Variants in GSE1 observed in about 807,000 individuals in gnomAD.
The protein encoded by GSE1 is Gse1 coiled-coil protein, also known as genetic suppressor element 1.
In GSE1, 32 loss-of-function variants were observed where a neutral mutation model predicts 112.6. That is an observed-to-expected ratio of 0.28 (90% confidence interval 0.21 to 0.38). GSE1 has a LOEUF of 0.38. Among genes scored for constraint, GSE1 ranks in the 10% least tolerant of loss-of-function variants. The pLI, the probability that GSE1 is intolerant of heterozygous loss-of-function variation, is 1.00. For synonymous variants in GSE1, 1,115 were observed against 735.6 expected (o/e 1.52, Z -8.35); for missense variants, 2,348 against 1,699.2 (o/e 1.38, Z -6.71).
At chr16:85,235,940 C>T (rs951772776) in intron 1 of GSE1, among the ~76,000 whole-genome samples, 1 of 151,936 alleles carries the variant, frequency 6.6e-6, no homozygotes, top group South Asian at 2.1e-4. Flanking sequence ...ATCTGGGGAG[C>T]GAGGCTGCAG....
At chr16:85,483,512 T>C (rs1019213877) in intron 2 of GSE1, among the ~76,000 whole-genome samples, 1 of 152,248 alleles carries the variant, frequency 6.6e-6, no homozygotes, top group African/African-American at 2.4e-5. Flanking sequence ...ACACAGCAAG[T>C]GCTCCATGAA....
In GSE1 at chr16:85,656,014, G is replaced by A. The variant is rs564614041; in HGVS notation, c.989+97G>A. On this transcript the variant is annotated intron_variant, in intron 6 of 15. Transcript: ENST00000253458. Reference sequence around the variant, plus strand: ...GGCTGGAACCTGACTGGACTCCTTGGCCATGCCTGTCCTCACAGTTTGTCC... The same window carrying A: ...GGCTGGAACCTGACTGGACTCCTTGACCATGCCTGTCCTCACAGTTTGTCC... 6.0e-3 allele frequency: 5,693 copies of A among 952,614 alleles called. 21 individuals are homozygous for A. The highest frequency in any genetic ancestry group is 7.7e-3 in the Non-Finnish European group (4,941 of 641,160). 59.0% of individuals were successfully genotyped at this position (952,614 alleles called of 1,614,324 possible).
intron 2 of GSE1, among the ~76,000 whole-genome samples, chr16:85,459,931 G>A (rs149351635): frequency 0.016 from 2,445 of 152,334 alleles, 33 homozygotes; most frequent in Middle Eastern, 0.034. Flanking sequence ...TTGGATCTCA[G>A]TCCAGGCTCC....
chr16:85,539,170 C>CT (rs2044434531), intron 2 of GSE1, among the ~76,000 whole-genome samples: 1 of 152,258 alleles, frequency 6.6e-6, no homozygotes, highest in Non-Finnish European at 1.5e-5. Context: ...TGTCTTTCCT[C>CT]GTTATTCCCA....
chr16:85,201,698 G>A (rs1293617180), intron 1 of GSE1, among the ~76,000 whole-genome samples: 1 of 151,566 alleles, frequency 6.6e-6, no homozygotes, highest in Non-Finnish European at 1.5e-5. Flanking sequence ...TGGCTGGGCC[G>A]CTGACCACTG....
chr16:85,659,062 T>C (rs2052211275), intron 8 of GSE1, among the ~76,000 whole-genome samples: 1 of 152,216 alleles, frequency 6.6e-6, no homozygotes, highest in Non-Finnish European at 1.5e-5. Flanking sequence ...GCATGAAATA[T>C]TTATTCTCCT....
At chr16:85,454,824 G>A (rs943852801) in intron 2 of GSE1, among the ~76,000 whole-genome samples, 4 of 152,084 alleles carry the variant, frequency 2.6e-5, no homozygotes, top group Non-Finnish European at 5.9e-5. Flanking sequence ...TCTTAGAACG[G>A]CACTCCTCCC....
intron 1 of GSE1, among the ~76,000 whole-genome samples, chr16:85,319,370 C>T (rs531014253): frequency 1.1e-4 from 16 of 152,268 alleles, no homozygotes; most frequent in Admixed American, 4.6e-4. Flanking sequence ...TGCAGTGAGC[C>T]GGGCAGCTCT....
chr16:85,524,707 C>A (rs2052306132), intron 2 of GSE1, among the ~76,000 whole-genome samples: 1 of 152,166 alleles, frequency 6.6e-6, no homozygotes, highest in Non-Finnish European at 1.5e-5. Context: ...GGCCTGTAAT[C>A]ACGAGGGGGA....
chr16:85,435,206 G>T (rs1240749330), intron 2 of GSE1, among the ~76,000 whole-genome samples: 1 of 152,228 alleles, frequency 6.6e-6, no homozygotes, highest in Admixed American at 6.5e-5. Context: ...CCTCGGCCCT[G>T]CACACGCCAG....
chr16:85,395,065 G>A (rs533585134), intron 2 of GSE1, among the ~76,000 whole-genome samples: 1 of 152,138 alleles, frequency 6.6e-6, no homozygotes, highest in Non-Finnish European at 1.5e-5. Context: ...AATGGGGCGG[G>A]CAGAGACTGG....
At chr16:85,648,857 C>T (rs1334076725) in intron 3 of GSE1, 106 bp downstream of exon 3, 1 of 601,814 alleles carries the variant, frequency 1.7e-6, no homozygotes, top group Non-Finnish European at 2.8e-6. Flanking sequence ...ACATTCCAGA[C>T]ACCCCCTCCC....
rs542936733 is a variant in GSE1 at position 85,382,870 on chromosome 16, CAT to C, written c.2464+25228_2464+25229del. Reference sequence around the variant, plus strand: ...TGCATACATGTGCACACACAGCACACATGCACACACACCGTGCACACACACGC... The same window carrying C: ...TGCATACATGTGCACACACAGCACACGCACACACACCGTGCACACACACGC... On this transcript the variant is annotated intron_variant, in intron 2 of 2. Coordinates refer to the GSE1 transcript ENST00000637419. Among the ~76,000 whole-genome samples, 329 of 151,980 alleles carry C rather than the reference CAT, an allele frequency of 2.2e-3. 2 individuals carry two copies. Among genetic ancestry groups the C allele is most frequent in the Admixed American group, 4.1e-3 (62 of 15,286 alleles).
intron 1 of GSE1, among the ~76,000 whole-genome samples, chr16:85,189,095 T>A (rs932318713): frequency 6.6e-6 from 1 of 152,216 alleles, no homozygotes; most frequent in Non-Finnish European, 1.5e-5. Flanking sequence ...CCAAGCTTGT[T>A]CCCACCATTA....
intron 1 of GSE1, among the ~76,000 whole-genome samples, chr16:85,309,886 C>T (rs895869861): frequency 3.3e-5 from 5 of 152,018 alleles, no homozygotes; most frequent in African/African-American, 4.8e-5. Context: ...AAGTGGCGGG[C>T]GCCCCCTTGC....
chr16:85,390,989 C>T (rs569116747), intron 2 of GSE1, among the ~76,000 whole-genome samples: 4 of 152,346 alleles, frequency 2.6e-5, no homozygotes, highest in East Asian at 3.9e-4. Flanking sequence ...AGTGCCTTCA[C>T]GGCTCCGCCG....
intron 1 of GSE1, among the ~76,000 whole-genome samples, chr16:85,246,824 G>A (rs1405626000): frequency 6.6e-6 from 1 of 152,126 alleles, no homozygotes; most frequent in Non-Finnish European, 1.5e-5. Flanking sequence ...AGCACCAGAG[G>A]AAGGGGGTGC....
chr16:85,462,643 G>C (rs1438426656), intron 2 of GSE1, among the ~76,000 whole-genome samples: 1 of 146,064 alleles, frequency 6.8e-6, no homozygotes, highest in Admixed American at 6.9e-5. Flanking sequence ...ATCAAGTGCA[G>C]GGGAGCGGAG....
chr16:85,500,458 C>T (rs1239710681), intron 2 of GSE1, among the ~76,000 whole-genome samples: 1 of 152,216 alleles, frequency 6.6e-6, no homozygotes, highest in Non-Finnish European at 1.5e-5. Context: ...TGTGCACAGC[C>T]CAGCCTTCGA....
Sources: allele counts gnomAD v4.1 joint callset (sites outside exome capture counted in the v4.1 genomes callset), GRCh38; gene constraint gnomAD v4.1.1; transcripts MANE v1.5; gene names NCBI Gene and HGNC (gene_info 2026-07-23, HGNC 2026-07-21).